Variants in CDHR1 observed in about 807,000 individuals in gnomAD.
CDHR1 encodes the protein cadherin related family member 1, also known as cadherin-related family member 1.
Under a neutral mutation model 72.1 loss-of-function variants are expected in CDHR1, and 61 were observed. That is an observed-to-expected ratio of 0.85 (90% CI 0.69 to 1.05). CDHR1 has a LOEUF of 1.05. Among genes scored for constraint, CDHR1 ranks in the 50% least tolerant of loss-of-function variants. The pLI is 0.00. For synonymous variants in CDHR1, 470 were observed against 448.1 expected (o/e 1.05, Z -0.62); for missense variants, 1,186 against 1,115.7 (o/e 1.06, Z -0.90).
At chr10:84,211,234 G>T (rs1298895001) in intron 13 of CDHR1, 69 bp downstream of exon 13, 34 of 1,544,738 alleles carry the variant, frequency 2.2e-5, no homozygotes, top group Non-Finnish European at 2.9e-5. Flanking sequence ...AATCTGGAAG[G>T]TCATTGCAGT....
At position 84,214,803 on chromosome 10, in the gene CDHR1, A is replaced by G. The variant is rs527816081; in HGVS notation, c.*182A>G. ...GCGCAACAAGAAGTTGCGCTCTGAC[A>G]GGGCTCTAGTCAGGGCCTTGGGCAA... On this transcript the variant is annotated 3_prime_UTR_variant, in exon 17 of 17. Coordinates refer to ENST00000623527, the MANE Select transcript of CDHR1 (RefSeq NM_033100.4). The G allele has an allele frequency of 2.7e-5, 41 of 1,532,842 alleles. No homozygotes were observed. The African/African-American group carries it at 4.5e-4, about 17-fold the overall frequency. 95.0% of individuals were successfully genotyped at this position (1,532,842 alleles called of 1,614,324 possible). A position where few individuals can be genotyped will look rare whatever the true frequency, so the allele number is the denominator to read the frequency against.
intron 8 of CDHR1, 81 bp from the exon 9 acceptor site, chr10:84,204,446 T>C: frequency 9.8e-7 from 1 of 1,024,044 alleles, no homozygotes; most frequent in Non-Finnish European, 1.6e-6. Flanking sequence ...TAGCACCTCC[T>C]TTTCATCATG....
rs1842452237 is a variant in CDHR1 at position 84,217,922 on chromosome 10, A to C, written c.*3301A>C. On this transcript the variant is annotated 3_prime_UTR_variant, in exon 17 of 17. Coordinates refer to ENST00000623527, the MANE Select transcript of CDHR1 (RefSeq NM_033100.4). The stretch of plus-strand genomic sequence containing the variant: ...AACTTGTGGCACTCTGTCCTCAAGC[A>C]GCTGTCCCTCAGAATCCTGCTAGAA... 1 of 985,356 alleles carries C rather than the reference A, an allele frequency of 1.0e-6. No individual in the cohort carries two copies. Among genetic ancestry groups the C allele is most frequent in the Non-Finnish European group, 1.2e-6 (1 of 829,962 alleles). The allele number at this position is 985,356 out of a possible 1,614,324, so 61.0% of individuals were successfully genotyped here.
rs373974037 is a variant in CDHR1 at position 84,204,949 on chromosome 10, T to A, written c.862+344T>A. 1.1e-4 allele frequency among the ~76,000 whole-genome samples: 17 copies of A among 152,350 alleles called. No individual in the cohort carries two copies. In the South Asian group the frequency reaches 3.5e-3, roughly 32 times the overall value. On this transcript the variant is annotated intron_variant, in intron 9 of 16. Transcript: ENST00000623527. ...GGCTATGTATTTTCCTCATTCTTTT[T>A]AATTGTTATCCCACAGCATATAGAT... is the stretch of plus-strand genomic sequence containing the variant.
chr10:84,211,535 G>A, intron 13 of CDHR1, 113 bp from the exon 14 acceptor site: 7 of 968,482 alleles, frequency 7.2e-6, no homozygotes, highest in Non-Finnish European at 1.2e-5. Context: ...CTCCCCAGTT[G>A]GGCAAACCCC....
At chr10:84,197,928 G>A in intron 4 of CDHR1, 92 bp downstream of exon 4, 1 of 1,253,666 alleles carries the variant, frequency 8.0e-7, no homozygotes, top group South Asian at 1.2e-5. Context: ...AGCCTTCATG[G>A]GGGCTTTTCT....
Position 84,201,790 on chromosome 10 carries a change from C to A in CDHR1, c.526-17C>A, listed in dbSNP as rs751154635. The A allele has an allele frequency of 6.2e-7, 1 of 1,601,828 alleles. No homozygotes were observed. The highest frequency in any genetic ancestry group is 8.5e-7 in the Non-Finnish European group (1 of 1,173,858). On this transcript the variant is annotated splice_polypyrimidine_tract_variant and intron_variant, in intron 6 of 16. Coordinates refer to ENST00000623527, the MANE Select transcript of CDHR1 (RefSeq NM_033100.4). ...CTGCATTCTTGCTGAGGTCCAGCTG[C>A]CCCCTAATTCTTATAGAACCTGCAC...
chr10:84,202,322 T>C lies in CDHR1; in HGVS notation c.639+402T>C, dbSNP rs1842142443. 3.3e-5 allele frequency among the ~76,000 whole-genome samples: 5 copies of C among 152,264 alleles called. No individual in the cohort carries two copies. In the South Asian group the frequency reaches 1.0e-3, roughly 32 times the overall value. ...CTCAGTTTCCTCATCTGCCCACCCC[T>C]GAAGCTCAACTAAGTTCCTCATATT... On this transcript the variant is annotated intron_variant, in intron 7 of 16. Transcript: ENST00000623527.
In CDHR1 at chr10:84,215,308, A is replaced by G; in HGVS notation, c.*687A>G. 1 of 987,334 alleles carries G rather than the reference A, an allele frequency of 1.0e-6. No homozygotes were observed. The highest frequency in any genetic ancestry group is 1.2e-6 in the Non-Finnish European group (1 of 831,256). 61.2% of individuals were successfully genotyped at this position (987,334 alleles called of 1,614,324 possible). ...GAGGTGGAAGATTGATCTTGCCAAG[A>G]GTGAGGGCAGATGTCTCCAGCCAGG... On this transcript the variant is annotated 3_prime_UTR_variant, in exon 17 of 17. Transcript: ENST00000623527.
rs1842452950 is a variant in CDHR1 at position 84,217,964 on chromosome 10, G to C, written c.*3343G>C. 3.0e-6 allele frequency: 3 copies of C among 985,338 alleles called. No individual in the cohort carries two copies. In the African/African-American group the frequency reaches 5.2e-5, roughly 17 times the overall value. The allele number at this position is 985,338 out of a possible 1,614,324, so 61.0% of individuals were successfully genotyped here. On this transcript the variant is annotated 3_prime_UTR_variant, in exon 17 of 17. Coordinates refer to ENST00000623527, the MANE Select transcript of CDHR1 (RefSeq NM_033100.4). Reference sequence around the variant, plus strand: ...CTGCTAGAAAAGTGTGATCAGAGCTGGGAAGGAGCCACCATGCTCTGCTTC... The same window carrying C: ...CTGCTAGAAAAGTGTGATCAGAGCTCGGAAGGAGCCACCATGCTCTGCTTC...
chr10:84,196,138 C>T (rs934041695), intron 2 of CDHR1, among the ~76,000 whole-genome samples: 2 of 152,202 alleles, frequency 1.3e-5, no homozygotes, highest in Non-Finnish European at 2.9e-5. Flanking sequence ...GCTCCCATTT[C>T]CCCTTCCCTG....
In CDHR1 at chr10:84,215,921, T is replaced by C; in HGVS notation, c.*1300T>C. 1 of 985,470 alleles carries C rather than the reference T, an allele frequency of 1.0e-6. No individual in the cohort carries two copies. Among genetic ancestry groups the C allele is most frequent in the Non-Finnish European group, 1.2e-6 (1 of 829,974 alleles). 61.0% of individuals were successfully genotyped at this position (985,470 alleles called of 1,614,324 possible). On this transcript the variant is annotated 3_prime_UTR_variant, in exon 17 of 17. Transcript: ENST00000623527. ...GAGAACCAGAGCTCCAAGTCTTTAA[T>C]TTGCCAAGATGAAGAAAATGAGTTC...
In CDHR1 at chr10:84,217,869, G is replaced by C. The variant is rs76945434; in HGVS notation, c.*3248G>C. ...GCATTTGGGCGTTGACATTCCAGGG[G>C]AGTTAGGAACAATGAGAGGTCTCTA... On this transcript the variant is annotated 3_prime_UTR_variant, in exon 17 of 17. Transcript: ENST00000623527. 2 of 985,496 alleles carry C rather than the reference G, an allele frequency of 2.0e-6. No individual in the cohort carries two copies. The highest frequency in any genetic ancestry group is 4.7e-5 in the South Asian group (1 of 21,294). The allele number at this position is 985,496 out of a possible 1,614,324, so 61.0% of individuals were successfully genotyped here.
chr10:84,200,152 A>G (rs1842097108), intron 5 of CDHR1, among the ~76,000 whole-genome samples: 1 of 147,218 alleles, frequency 6.8e-6, no homozygotes, highest in Non-Finnish European at 1.5e-5. Context: ...CCTGGATAAC[A>G]AGGGCGAAGC....
rs540140773 is a variant in CDHR1, at chr10:84,217,891, T to C, written c.*3270T>C. ...GGGGAGTTAGGAACAATGAGAGGTC[T>C]CTAAGAACTTGTGGCACTCTGTCCT... On this transcript the variant is annotated 3_prime_UTR_variant, in exon 17 of 17. Coordinates refer to ENST00000623527, the MANE Select transcript of CDHR1 (RefSeq NM_033100.4). The C allele has an allele frequency of 1.4e-5, 14 of 985,486 alleles. No individual in the cohort carries two copies. In the African/African-American group the frequency reaches 1.6e-4, roughly 11 times the overall value. 61.0% of individuals were successfully genotyped at this position (985,486 alleles called of 1,614,324 possible). A position where few individuals can be genotyped will look rare whatever the true frequency, so the allele number is the denominator to read the frequency against.
At chr10:84,201,262 C>T (rs1239010472) in intron 6 of CDHR1, among the ~76,000 whole-genome samples, 2 of 152,176 alleles carry the variant, frequency 1.3e-5, no homozygotes, top group Non-Finnish European at 2.9e-5. Flanking sequence ...CAGCACCTGG[C>T]ACAAGCGCCT....
intron 7 of CDHR1, among the ~76,000 whole-genome samples, chr10:84,202,278 C>T (rs533361502): frequency 6.6e-6 from 1 of 152,280 alleles, no homozygotes; most frequent in East Asian, 1.9e-4. Context: ...CTCTGTGTGC[C>T]CAATCACCCC....
intron 16 of CDHR1, among the ~76,000 whole-genome samples, chr10:84,213,600 C>G (rs529198718): frequency 6.6e-6 from 1 of 152,176 alleles, no homozygotes; most frequent in Non-Finnish European, 1.5e-5. Flanking sequence ...GATAAGGATG[C>G]CTCCTTCACA....
In CDHR1 at chr10:84,200,509, C is replaced by T. The variant is rs74665699; in HGVS notation, c.439-92C>T. ...TTCACCTCTTTTTGACACTTCACTC[C>T]CCGACCCCACTGCTGCATGCCCCTA... On this transcript the variant is annotated intron_variant, in intron 5 of 16. Coordinates refer to ENST00000623527, the MANE Select transcript of CDHR1 (RefSeq NM_033100.4). The T allele has an allele frequency of 0.01, 8,454 of 835,144 alleles. 379 individuals are homozygous for T. In the East Asian group the frequency reaches 0.12, roughly 12 times the overall value. The allele number at this position is 835,144 out of a possible 1,614,324, so 51.7% of individuals were successfully genotyped here. A position where few individuals can be genotyped will look rare whatever the true frequency, so the allele number is the denominator to read the frequency against.
Sources: allele counts gnomAD v4.1 joint callset (sites outside exome capture counted in the v4.1 genomes callset), GRCh38; gene constraint gnomAD v4.1.1; transcripts MANE v1.5; gene names NCBI Gene and HGNC (gene_info 2026-07-23, HGNC 2026-07-21).